RIMS2: variants seen among roughly 807,000 people sequenced by gnomAD.
RIMS2 encodes regulating synaptic membrane exocytosis 2.
RIMS2 carries 59 observed loss-of-function variants against 174.4 expected under a neutral mutation model. The ratio of observed to expected loss-of-function variants is 0.34; its 90% CI spans 0.27 to 0.42. The LOEUF (loss-of-function observed/expected upper bound fraction) is 0.42, where lower values mean the gene tolerates loss of function less well. RIMS2 is among the 10% of genes least tolerant of loss of function. RIMS2 has a pLI of 1.00. For missense variants in RIMS2, 1,620 were observed against 1,666.3 expected (o/e 0.97, Z 0.48); for synonymous variants, 606 against 572.5 (o/e 1.06, Z -0.84).
rs1299756789 is a variant in RIMS2 at position 103,668,170 on chromosome 8, T to C, written c.177-28916T>C. ...GACTATTTCATAAGGGATCAACTTA[T>C]ATTTTCCTCTGGAACTAGATCTGAT... On this transcript the variant is annotated intron_variant, in intron 1 of 23. Coordinates refer to ENST00000504942, the Ensembl canonical transcript of RIMS2. 7.9e-5 allele frequency among the ~76,000 whole-genome samples: 12 copies of C among 152,228 alleles called. No homozygotes were observed. In the East Asian group the frequency reaches 9.6e-4, roughly 12 times the overall value.
At chr8:103,819,211 C>T (rs1340596015) in intron 3 of RIMS2, 1 of 1,214,876 alleles carries the variant, frequency 8.2e-7, no homozygotes, top group Non-Finnish European at 1.0e-6. Flanking sequence ...ATGAAAGCAG[C>T]TCAGCTTCAC....
intron 19 of RIMS2, among the ~76,000 whole-genome samples, chr8:104,119,706 C>G (rs943593603): frequency 2.0e-5 from 3 of 152,046 alleles, no homozygotes; most frequent in Admixed American, 6.6e-5. Flanking sequence ...CAACTTCTAC[C>G]CAACAGGGTC....
intron 17 of RIMS2, among the ~76,000 whole-genome samples, chr8:103,996,381 T>G (rs145941005): frequency 2.2e-4 from 34 of 152,116 alleles, no homozygotes; most frequent in African/African-American, 8.2e-4. Context: ...AATGAACATA[T>G]GTTTTCCTGA....
intron 3 of RIMS2, among the ~76,000 whole-genome samples, chr8:103,844,147 T>C (rs1382113986): frequency 1.3e-5 from 2 of 152,220 alleles, no homozygotes; most frequent in Non-Finnish European, 2.9e-5. Context: ...GTGTTCTCCA[T>C]TAAACCTCTT....
intron 19 of RIMS2, among the ~76,000 whole-genome samples, chr8:104,114,391 T>G (rs1178307018): frequency 1.3e-5 from 2 of 152,020 alleles, no homozygotes; most frequent in Non-Finnish European, 2.9e-5. Flanking sequence ...ATTGAAAGAT[T>G]GGTTTGCCTT....
At chr8:103,973,196 C>A (rs1565613330) in intron 15 of RIMS2, among the ~76,000 whole-genome samples, 1 of 152,220 alleles carries the variant, frequency 6.6e-6, no homozygotes, top group African/African-American at 2.4e-5. Context: ...ACAGTGAGAG[C>A]ACTGGAGTCA....
At chr8:104,205,510 T>TGC (rs1554617427) in intron 19 of RIMS2, among the ~76,000 whole-genome samples, 12 of 151,960 alleles carry the variant, frequency 7.9e-5, no homozygotes, top group Admixed American at 1.3e-4. Flanking sequence ...TGTGTGTGTG[T>TGC]GCGCGCACAT....
chr8:103,632,160 T>A (rs1466148645), intron 1 of RIMS2, among the ~76,000 whole-genome samples: 1 of 152,192 alleles, frequency 6.6e-6, no homozygotes, highest in Non-Finnish European at 1.5e-5. Flanking sequence ...TGCAGTACTG[T>A]GTTCAATAGG....
At chr8:104,098,278 T>C (rs951502464) in intron 19 of RIMS2, among the ~76,000 whole-genome samples, 16 of 152,206 alleles carry the variant, frequency 1.1e-4, no homozygotes, top group Non-Finnish European at 1.9e-4. Context: ...AAATTAAACA[T>C]GTTAAAATTT....
intron 19 of RIMS2, among the ~76,000 whole-genome samples, chr8:104,077,230 CGTG>C (rs562409604): frequency 6.6e-6 from 1 of 151,774 alleles, no homozygotes; most frequent in Non-Finnish European, 1.5e-5. Flanking sequence ...TGGTTGTGGT[CGTG>C]GTGGTGGTGG....
chr8:103,873,045 G>A (rs369006387), intron 3 of RIMS2, among the ~76,000 whole-genome samples: 12 of 152,134 alleles, frequency 7.9e-5, no homozygotes, highest in African/African-American at 1.9e-4. Flanking sequence ...AAATCATGAA[G>A]TTCTGGGTGC....
intron 1 of RIMS2, among the ~76,000 whole-genome samples, chr8:103,528,380 A>C (rs1039690564): frequency 2.6e-5 from 4 of 152,072 alleles, no homozygotes; most frequent in African/African-American, 9.7e-5. Context: ...TGCTGTGCAG[A>C]AGCTCTTTAG....
At chr8:103,613,460 C>A (rs898481291) in intron 1 of RIMS2, among the ~76,000 whole-genome samples, 2 of 152,162 alleles carry the variant, frequency 1.3e-5, no homozygotes, top group African/African-American at 4.8e-5. Flanking sequence ...AGTGGGCTCC[C>A]CTCTGGCCTA....
chr8:103,615,199 C>T (rs913085969), intron 1 of RIMS2, among the ~76,000 whole-genome samples: 5 of 152,008 alleles, frequency 3.3e-5, no homozygotes, highest in East Asian at 1.9e-4. Flanking sequence ...CAGACCATAG[C>T]GCAATAAAAA....
chr8:103,638,391 C>T (rs758246543), intron 1 of RIMS2, among the ~76,000 whole-genome samples: 4 of 151,898 alleles, frequency 2.6e-5, no homozygotes, highest in African/African-American at 4.8e-5. Flanking sequence ...CTAATGATGA[C>T]TTTCTATTTT....
intron 1 of RIMS2, among the ~76,000 whole-genome samples, chr8:103,624,937 C>T (rs559735579): frequency 3.9e-5 from 6 of 152,092 alleles, no homozygotes; most frequent in African/African-American, 1.2e-4. Flanking sequence ...CCCTTTTTGG[C>T]AGAAGAATAT....
chr8:103,761,116 T>C (rs933285289), intron 2 of RIMS2, among the ~76,000 whole-genome samples: 11 of 152,212 alleles, frequency 7.2e-5, no homozygotes, highest in Admixed American at 2.0e-4. Context: ...CATTTTCCAA[T>C]TTATTTAGTC....
chr8:103,893,934 C>A (rs565287355), intron 4 of RIMS2, among the ~76,000 whole-genome samples: 1 of 151,996 alleles, frequency 6.6e-6, no homozygotes, highest in Non-Finnish European at 1.5e-5. Flanking sequence ...ATTAACTGTG[C>A]ACACATTATG....
intron 3 of RIMS2, among the ~76,000 whole-genome samples, chr8:103,774,615 T>G (rs892404466): frequency 2.0e-5 from 3 of 152,176 alleles, no homozygotes; most frequent in African/African-American, 7.2e-5. Context: ...TCAATTTTTA[T>G]CCACAGAAAC....
Sources: gnomAD v4.1 joint callset for allele counts (sites outside exome capture counted in the v4.1 genomes callset) on GRCh38, gnomAD v4.1.1 for gene constraint, MANE v1.5 for transcripts, NCBI Gene and HGNC (gene_info 2026-07-23, HGNC 2026-07-21) for gene names.